The following PDE10A variants were observed in gnomAD, a reference collection of about 807,000 sequenced individuals.
PDE10A encodes the protein cAMP and cAMP-inhibited cGMP 3',5'-cyclic phosphodiesterase 10A.
In PDE10A, 39 loss-of-function variants were observed where a neutral mutation model predicts 97.7. That is an observed-to-expected ratio of 0.40 (90% CI 0.31 to 0.52). The LOEUF is 0.52. Ranked by LOEUF, PDE10A falls within the 20% of genes least tolerant of loss-of-function variation. PDE10A has a pLI of 0.56. For missense variants in PDE10A, 731 were observed against 1,047.8 expected, an observed-to-expected ratio of 0.70 and a Z score of 4.17; for synonymous variants, 371 against 376.8, an observed-to-expected ratio of 0.98 and a Z score of 0.18.
At chr6:165,626,174 C>T (rs1273617168) in intron 1 of PDE10A, among the ~76,000 whole-genome samples, 2 of 152,168 alleles carry the variant, frequency 1.3e-5, no homozygotes, top group Non-Finnish European at 2.9e-5. Flanking sequence ...AGAGGAAATT[C>T]TTAGTTCTCT....
intron 1 of PDE10A, among the ~76,000 whole-genome samples, chr6:165,933,547 CATAAATTT>C (rs1221269867): frequency 6.6e-6 from 1 of 152,128 alleles, no homozygotes; most frequent in African/African-American, 2.4e-5. Context: ...TCATTTTTTA[CATAAATTT>C]ATACAAATTC....
chr6:165,336,815 T>C (rs1056005075), intron 20 of PDE10A, among the ~76,000 whole-genome samples: 2 of 150,186 alleles, frequency 1.3e-5, no homozygotes, highest in Non-Finnish European at 3.0e-5. Flanking sequence ...GTACATTAAA[T>C]GACATTTCGC....
intron 10 of PDE10A, among the ~76,000 whole-genome samples, chr6:165,427,723 C>A (rs1278515796): frequency 3.3e-5 from 5 of 152,034 alleles, no homozygotes; most frequent in Non-Finnish European, 5.9e-5. Flanking sequence ...GCTCCTTGTA[C>A]CCCTAGCATA....
intron 1 of PDE10A, among the ~76,000 whole-genome samples, chr6:165,786,841 TA>T (rs1312380833): frequency 6.6e-6 from 1 of 152,248 alleles, no homozygotes; most frequent in African/African-American, 2.4e-5. Context: ...CCTTTTTGAA[TA>T]TTTTTTGATA....
chr6:165,700,834 G>A (rs74484580), intron 1 of PDE10A, among the ~76,000 whole-genome samples: 2,427 of 152,322 alleles, frequency 0.016, 65 homozygotes, highest in African/African-American at 0.056. Flanking sequence ...TCAGATCTGG[G>A]ATGAAGTTAT....
Position 165,476,492 on chromosome 6 carries a change from T to C in PDE10A, c.1023+5823A>G, listed in dbSNP as rs190456608. Among the ~76,000 whole-genome samples the C allele has an allele frequency of 5.0e-3, 760 of 152,224 alleles. 10 individuals are homozygous for C. The highest frequency in any genetic ancestry group is 4.6e-3 in the Non-Finnish European group (316 of 68,006). On this transcript the variant is annotated intron_variant, in intron 3 of 21. Coordinates refer to ENST00000539869, the MANE Select transcript of PDE10A (RefSeq NM_001385079.1). Reference sequence around the variant, plus strand: ...AATAAATCTGAGAGGTTCTAGAATGTGTAGTAAAAGAACCAGGAAAGGAGA... The same window carrying C: ...AATAAATCTGAGAGGTTCTAGAATGCGTAGTAAAAGAACCAGGAAAGGAGA...
intron 1 of PDE10A, among the ~76,000 whole-genome samples, chr6:165,633,488 A>G (rs1433208190): frequency 6.6e-6 from 1 of 152,252 alleles, no homozygotes; most frequent in Non-Finnish European, 1.5e-5. Context: ...AGGGAGAAAG[A>G]AGATGGAATA....
At chr6:165,780,891 T>G (rs1042171908) in intron 1 of PDE10A, 10 of 152,300 alleles carry the variant, frequency 6.6e-5, no homozygotes, top group Admixed American at 4.6e-4. Context: ...GGTCCCAGGC[T>G]GGTGCTATGG....
chr6:165,687,628 A>G, intron 1 of PDE10A, among the ~76,000 whole-genome samples: 1 of 152,154 alleles, frequency 6.6e-6, no homozygotes, highest in Non-Finnish European at 1.5e-5. Context: ...AAGACCAACT[A>G]ACATTTGTAT....
chr6:165,338,788 C>A (rs1338493230), intron 20 of PDE10A, among the ~76,000 whole-genome samples: 1 of 152,110 alleles, frequency 6.6e-6, no homozygotes, highest in Non-Finnish European at 1.5e-5. Flanking sequence ...GAGTCGTGGC[C>A]AAGGTAGTAT....
chr6:165,920,383 A>G (rs1782720776), intron 1 of PDE10A, among the ~76,000 whole-genome samples: 1 of 152,196 alleles, frequency 6.6e-6, no homozygotes. Flanking sequence ...AAAAATTTAA[A>G]CCAATCATCT....
rs77251010 is a variant in PDE10A, at chr6:165,512,203, T to C, written c.995-29860A>G. On this transcript the variant is annotated intron_variant, in intron 2 of 21. Transcript: ENST00000539869. ...CTGTGTTTGCTTTACCAGTGAGTTTTATACTTTTATATGTTTTTACGATAG... is the reference window on the plus strand; with the variant it reads ...CTGTGTTTGCTTTACCAGTGAGTTTCATACTTTTATATGTTTTTACGATAG... 8.9e-4 allele frequency among the ~76,000 whole-genome samples: 136 copies of C among 152,086 alleles called. 1 individual carries two copies. In the East Asian group the frequency reaches 0.011, roughly 12 times the overall value.
chr6:165,959,273 G>A (rs368874720), intron 1 of PDE10A, among the ~76,000 whole-genome samples: 2 of 152,174 alleles, frequency 1.3e-5, no homozygotes, highest in East Asian at 1.9e-4. Context: ...GCAGCAAGAG[G>A]CGATTTCCTC....
intron 1 of PDE10A, among the ~76,000 whole-genome samples, chr6:165,636,708 C>T (rs1017841632): frequency 1.3e-5 from 2 of 152,198 alleles, no homozygotes; most frequent in African/African-American, 4.8e-5. Context: ...ACTGTTTATG[C>T]ATCTGCCCGA....
intron 1 of PDE10A, among the ~76,000 whole-genome samples, chr6:165,888,779 A>C (rs1781701083): frequency 6.6e-6 from 1 of 152,258 alleles, no homozygotes; most frequent in South Asian, 2.1e-4. Flanking sequence ...GGATAGAGTG[A>C]TAGGTCCAAC....
At chr6:165,737,362 C>A (rs182348372) in intron 1 of PDE10A, among the ~76,000 whole-genome samples, 1 of 152,196 alleles carries the variant, frequency 6.6e-6, no homozygotes, top group East Asian at 1.9e-4. Context: ...GGCCAATATC[C>A]CCGATGAACA....
At chr6:165,701,643 A>AGGTATG in intron 1 of PDE10A, among the ~76,000 whole-genome samples, 1 of 84,890 alleles carries the variant, frequency 1.2e-5, no homozygotes, top group Non-Finnish European at 2.3e-5. Flanking sequence ...TCTACTCTTC[A>AGGTATG]TGTATGTGTG....
chr6:165,406,728 G>C (rs936311557), intron 13 of PDE10A, among the ~76,000 whole-genome samples: 1 of 152,146 alleles, frequency 6.6e-6, no homozygotes, highest in Non-Finnish European at 1.5e-5. Flanking sequence ...TGGAATCAGT[G>C]CACTGAGTAG....
At chr6:165,712,018 A>G (rs1421216075) in intron 1 of PDE10A, among the ~76,000 whole-genome samples, 1 of 152,084 alleles carries the variant, frequency 6.6e-6, no homozygotes, top group Non-Finnish European at 1.5e-5. Context: ...TTTATTGCTG[A>G]TGGGCCCTGG....
Sources: gnomAD v4.1 joint callset for allele counts (sites outside exome capture counted in the v4.1 genomes callset) on GRCh38, gnomAD v4.1.1 for gene constraint, MANE v1.5 for transcripts, NCBI Gene and HGNC (gene_info 2026-07-23, HGNC 2026-07-21) for gene names.